The following FHIT variants were observed in gnomAD, a reference collection of about 807,000 sequenced individuals.
FHIT encodes the protein bis(5'-adenosyl)-triphosphatase.
A neutral mutation model predicts 17.9 loss-of-function variants in FHIT; 19 were observed. The observed-to-expected ratio is 1.06, with a 90% confidence interval of 0.74 to 1.56. The LOEUF is 1.56. FHIT is among the 40% of genes most tolerant of loss of function. FHIT has a pLI of 0.00. For synonymous variants in FHIT, 81 were observed against 69.7 expected, an observed-to-expected ratio of 1.16 and a Z score of -0.81; for missense variants, 248 against 189.2, an observed-to-expected ratio of 1.31 and a Z score of -1.82.
rs562546209 is a variant in FHIT at position 60,247,557 on chromosome 3, T to C, written c.104-233405A>G. Among the ~76,000 whole-genome samples the C allele has an allele frequency of 2.0e-5, 3 of 152,288 alleles. No homozygotes were observed. The South Asian group carries it at 6.2e-4, about 32-fold the overall frequency. On this transcript the variant is annotated intron_variant, in intron 5 of 9. Coordinates refer to ENST00000492590, the MANE Select transcript of FHIT (RefSeq NM_002012.4). ...TTACAAAATTAAACATTTGGCATTC[T>C]TGCTCAAAAACAGCAGTAATCTTAT...
chr3:60,315,779 C>T (rs1045934115), intron 5 of FHIT, among the ~76,000 whole-genome samples: 1 of 152,172 alleles, frequency 6.6e-6, no homozygotes, highest in Non-Finnish European at 1.5e-5. Context: ...TCCTGGTGGA[C>T]AAATGCACTC....
chr3:59,862,555 G>A (rs1345418325), intron 8 of FHIT, among the ~76,000 whole-genome samples: 1 of 152,240 alleles, frequency 6.6e-6, no homozygotes, highest in Non-Finnish European at 1.5e-5. Flanking sequence ...TAGAAGAGCA[G>A]ACACAGAGAA....
intron 5 of FHIT, among the ~76,000 whole-genome samples, chr3:60,265,648 G>A (rs1444139624): frequency 2.0e-5 from 3 of 151,824 alleles, no homozygotes; most frequent in African/African-American, 7.2e-5. Flanking sequence ...AATCAAAGAG[G>A]AATGGGAGAA....
At chr3:60,565,688 C>A (rs1001681543) in intron 4 of FHIT, among the ~76,000 whole-genome samples, 1 of 152,148 alleles carries the variant, frequency 6.6e-6, no homozygotes, top group South Asian at 2.1e-4. Context: ...AGATTGAAAA[C>A]TGCTAGACTT....
At chr3:61,019,268 T>C (rs1336400090) in intron 3 of FHIT, among the ~76,000 whole-genome samples, 3 of 152,220 alleles carry the variant, frequency 2.0e-5, no homozygotes, top group Admixed American at 6.5e-5. Flanking sequence ...AGAGTTGAGA[T>C]TGGTTATAAA....
At chr3:60,970,008 G>A (rs1310172075) in intron 3 of FHIT, among the ~76,000 whole-genome samples, 1 of 152,146 alleles carries the variant, frequency 6.6e-6, no homozygotes, top group African/African-American at 2.4e-5. Context: ...TGGTTTTGTA[G>A]AGATGGGGTT....
chr3:61,063,591 T>C (rs1019996504), intron 2 of FHIT, among the ~76,000 whole-genome samples: 1 of 152,158 alleles, frequency 6.6e-6, no homozygotes, highest in African/African-American at 2.4e-5. Flanking sequence ...TCATAATGTC[T>C]GCATGTCACT....
intron 8 of FHIT, among the ~76,000 whole-genome samples, chr3:59,806,876 C>CA (rs1356109150): frequency 9.9e-5 from 15 of 152,052 alleles, no homozygotes; most frequent in Non-Finnish European, 4.4e-5. Flanking sequence ...GTGTAGTCCT[C>CA]ATATCAAGAA....
At chr3:60,409,346 A>G (rs1485202859) in intron 5 of FHIT, among the ~76,000 whole-genome samples, 1 of 152,220 alleles carries the variant, frequency 6.6e-6, no homozygotes, top group African/African-American at 2.4e-5. Flanking sequence ...TCTAAAGACT[A>G]TTTAAAGTAA....
At chr3:61,058,473 G>T (rs1164740673) in intron 2 of FHIT, among the ~76,000 whole-genome samples, 1 of 152,198 alleles carries the variant, frequency 6.6e-6, no homozygotes, top group Non-Finnish European at 1.5e-5. Flanking sequence ...AATCTTCAGT[G>T]TTGGAGGAGG....
chr3:60,114,829 G>A (rs1367265186), intron 5 of FHIT, among the ~76,000 whole-genome samples: 1 of 152,014 alleles, frequency 6.6e-6, no homozygotes, highest in African/African-American at 2.4e-5. Context: ...AAGAGTAATA[G>A]CAATTGTTGG....
At chr3:60,093,801 C>G (rs1484260778) in intron 5 of FHIT, among the ~76,000 whole-genome samples, 1 of 152,172 alleles carries the variant, frequency 6.6e-6, no homozygotes, top group Admixed American at 6.5e-5. Flanking sequence ...AAACCACTCC[C>G]TCCACCACCG....
At chr3:59,802,175 TA>T (rs34222977) in intron 8 of FHIT, among the ~76,000 whole-genome samples, 77,425 of 149,920 alleles carry the variant, frequency 0.52, 21,048 homozygotes, top group East Asian at 0.63. Context: ...AGACTTGTAT[TA>T]AAAAAAAAAA....
At chr3:60,112,738 A>G (rs1040388402) in intron 5 of FHIT, among the ~76,000 whole-genome samples, 11 of 152,230 alleles carry the variant, frequency 7.2e-5, no homozygotes, top group African/African-American at 2.2e-4. Context: ...CATCTAGAGC[A>G]TACGAAAATA....
chr3:60,780,151 G>A (rs782607229), intron 4 of FHIT, among the ~76,000 whole-genome samples: 10 of 152,158 alleles, frequency 6.6e-5, no homozygotes, highest in Non-Finnish European at 1.2e-4. Flanking sequence ...CTTTCTAGAT[G>A]GGTAGCCATT....
intron 8 of FHIT, among the ~76,000 whole-genome samples, chr3:59,759,080 T>G (rs1701369121): frequency 6.6e-6 from 1 of 151,730 alleles, no homozygotes; most frequent in Admixed American, 6.6e-5. Context: ...TAAGTTGAGG[T>G]GTGAATAATG....
At chr3:60,982,611 T>C (rs1697105999) in intron 3 of FHIT, among the ~76,000 whole-genome samples, 1 of 152,170 alleles carries the variant, frequency 6.6e-6, no homozygotes, top group Non-Finnish European at 1.5e-5. Context: ...CAGAAAGGCC[T>C]TCCCTGACTA....
chr3:60,681,973 A>ATTTTTTTTT (rs34153115), intron 4 of FHIT, among the ~76,000 whole-genome samples: 1 of 145,104 alleles, frequency 6.9e-6, no homozygotes, highest in African/African-American at 2.5e-5. Context: ...TAAACAGCAG[A>ATTTTTTTTT]TTTTTTTTTT....
At chr3:59,897,392 T>A (rs559641218) in intron 8 of FHIT, among the ~76,000 whole-genome samples, 2 of 152,328 alleles carry the variant, frequency 1.3e-5, no homozygotes, top group South Asian at 4.1e-4. Context: ...TTCCTCTTCC[T>A]GTTCCCTAAA....
Sources: gnomAD v4.1 joint callset for allele counts (sites outside exome capture counted in the v4.1 genomes callset) on GRCh38, gnomAD v4.1.1 for gene constraint, MANE v1.5 for transcripts, NCBI Gene and HGNC (gene_info 2026-07-23, HGNC 2026-07-21) for gene names.